Variants in RAB31 observed in about 807,000 individuals in gnomAD.
RAB31 encodes ras-related protein Rab-31.
In RAB31, 21 loss-of-function variants were observed where a neutral mutation model predicts 25.6. The ratio of observed to expected loss-of-function variants is 0.82; its 90% CI spans 0.58 to 1.18. The LOEUF (loss-of-function observed/expected upper bound fraction) is 1.18, where lower values mean the gene tolerates loss of function less well. RAB31 is among the 50% of genes most tolerant of loss of function. RAB31 has a pLI of 0.00. For missense variants in RAB31, 196 were observed against 250.1 expected (o/e 0.78, Z 1.46); for synonymous variants, 87 against 84.0 (o/e 1.04, Z -0.20).
chr18:9,799,629 T>C (rs1317777407), intron 3 of RAB31, among the ~76,000 whole-genome samples: 1 of 152,176 alleles, frequency 6.6e-6, no homozygotes, highest in Non-Finnish European at 1.5e-5. Flanking sequence ...CCAGAGTAGC[T>C]GGGACTACAG....
chr18:9,747,545 C>A (rs570482207), intron 1 of RAB31, among the ~76,000 whole-genome samples: 2 of 152,050 alleles, frequency 1.3e-5, no homozygotes, highest in Admixed American at 1.3e-4. Context: ...AATAAACTAC[C>A]GACACATGGT....
chr18:9,792,901 A>G (rs2068468500), intron 3 of RAB31, among the ~76,000 whole-genome samples: 1 of 152,168 alleles, frequency 6.6e-6, no homozygotes, highest in Non-Finnish European at 1.5e-5. Flanking sequence ...GGGTAAATGG[A>G]TGCTGGGTTA....
chr18:9,786,229 A>T (rs981428208), intron 2 of RAB31, among the ~76,000 whole-genome samples: 7 of 152,352 alleles, frequency 4.6e-5, no homozygotes, highest in African/African-American at 1.7e-4. Context: ...CTTAAAAGAA[A>T]AGTGTTCAGG....
rs377185954 is a variant in RAB31, at chr18:9,789,949, C to T, written c.120-2205C>T. 3.3e-5 allele frequency among the ~76,000 whole-genome samples: 5 copies of T among 152,218 alleles called. No individual in the cohort carries two copies. In the East Asian group the frequency reaches 5.8e-4, roughly 18 times the overall value. On this transcript the variant is annotated intron_variant, in intron 2 of 6. Coordinates refer to ENST00000578921, the MANE Select transcript of RAB31 (RefSeq NM_006868.4). Reference sequence around the variant, plus strand: ...GGGATAGTGTGGGAATTGCAGTAGACTTTTCTACTTGGGACTTCGGTAGTT... The same window carrying T: ...GGGATAGTGTGGGAATTGCAGTAGATTTTTCTACTTGGGACTTCGGTAGTT...
chr18:9,715,927 T>G (rs1248008727), intron 1 of RAB31, among the ~76,000 whole-genome samples: 1 of 152,166 alleles, frequency 6.6e-6, no homozygotes, highest in Non-Finnish European at 1.5e-5. Flanking sequence ...AATACTTCAG[T>G]ATGTGTCTTT....
At chr18:9,715,387 T>C (rs1436131642) in intron 1 of RAB31, among the ~76,000 whole-genome samples, 6 of 149,996 alleles carry the variant, frequency 4.0e-5, no homozygotes. Flanking sequence ...TAGCACTGGG[T>C]CTTTTATTTT....
At chr18:9,779,995 C>T (rs115584496) in intron 2 of RAB31, among the ~76,000 whole-genome samples, 9,994 of 151,750 alleles carry the variant, frequency 0.066, 371 homozygotes, top group Admixed American at 0.11. Context: ...GGCAACAGGG[C>T]GAAACTTGGT....
intron 1 of RAB31, among the ~76,000 whole-genome samples, chr18:9,767,286 T>G (rs1313773396): frequency 6.6e-6 from 1 of 152,262 alleles, no homozygotes; most frequent in East Asian, 1.9e-4. Flanking sequence ...TTTTCTTATT[T>G]AACTACATTC....
intron 3 of RAB31, among the ~76,000 whole-genome samples, chr18:9,794,985 C>G (rs1201132909): frequency 6.6e-6 from 1 of 152,130 alleles, no homozygotes; most frequent in Non-Finnish European, 1.5e-5. Flanking sequence ...TACCCGACCT[C>G]AAACTATACT....
chr18:9,799,165 A>G (rs1465486776), intron 3 of RAB31, among the ~76,000 whole-genome samples: 2 of 152,142 alleles, frequency 1.3e-5, no homozygotes, highest in African/African-American at 2.4e-5. Flanking sequence ...AATCCATTTC[A>G]CTTGGCTTCC....
At chr18:9,774,219 G>A (rs1257788046) in intron 1 of RAB31, among the ~76,000 whole-genome samples, 1 of 152,088 alleles carries the variant, frequency 6.6e-6, no homozygotes, top group Non-Finnish European at 1.5e-5. Flanking sequence ...CTACCTAAAG[G>A]GGAGCCTTCA....
Position 9,796,050 on chromosome 18 carries a change from C to T in RAB31, c.201+3815C>T, listed in dbSNP as rs573727823. On this transcript the variant is annotated intron_variant, in intron 3 of 6. Coordinates refer to ENST00000578921, the MANE Select transcript of RAB31 (RefSeq NM_006868.4). ...ATACACCATACAATACTACTGAATACTACTCAGCCATAAAAAGGAACTAAA... is the reference window on the plus strand; with the variant it reads ...ATACACCATACAATACTACTGAATATTACTCAGCCATAAAAAGGAACTAAA... Among the ~76,000 whole-genome samples, 4 of 152,296 alleles carry T rather than the reference C, an allele frequency of 2.6e-5. No homozygotes were observed. The South Asian group carries it at 8.3e-4, about 32-fold the overall frequency.
At chr18:9,847,660 C>T (rs1392484552) in intron 6 of RAB31, among the ~76,000 whole-genome samples, 1 of 152,116 alleles carries the variant, frequency 6.6e-6, no homozygotes, top group Non-Finnish European at 1.5e-5. Flanking sequence ...GCAGCCTCCA[C>T]CTCCTGGGCT....
chr18:9,770,832 T>C (rs543384904), intron 1 of RAB31, among the ~76,000 whole-genome samples: 1 of 151,746 alleles, frequency 6.6e-6, no homozygotes, highest in African/African-American at 2.4e-5. Context: ...GTAAAGTACT[T>C]GTGAGTTCTA....
intron 5 of RAB31, among the ~76,000 whole-genome samples, chr18:9,835,799 A>G (rs11662690): frequency 0.21 from 31,868 of 152,104 alleles, 4,072 homozygotes; most frequent in South Asian, 0.42. Flanking sequence ...AAGAACTAGC[A>G]TTTTAAACAG....
At chr18:9,833,771 G>A (rs1355654392) in intron 5 of RAB31, among the ~76,000 whole-genome samples, 1 of 152,168 alleles carries the variant, frequency 6.6e-6, no homozygotes, top group Non-Finnish European at 1.5e-5. Flanking sequence ...AGCCATATCT[G>A]ATCTATGAGC....
chr18:9,785,611 T>C (rs1172553672), intron 2 of RAB31, among the ~76,000 whole-genome samples: 3 of 152,194 alleles, frequency 2.0e-5, no homozygotes, highest in African/African-American at 7.2e-5. Flanking sequence ...AAGGCAGGAC[T>C]CTAATCTGAT....
intron 1 of RAB31, among the ~76,000 whole-genome samples, chr18:9,739,394 C>T (rs558574725): frequency 2.0e-5 from 3 of 152,248 alleles, no homozygotes; most frequent in Admixed American, 6.5e-5. Context: ...ATGGCGTGAA[C>T]CTGGGAGGCA....
Position 9,751,086 on chromosome 18 carries a change from G to A in RAB31, c.40-24192G>A, listed in dbSNP as rs144621755. On this transcript the variant is annotated intron_variant, in intron 1 of 6. Transcript: ENST00000578921. ...GTCTCGCATGGTCACCCGGGCTGGA[G>A]TGCAGCGGTGTGATCATAGCTCACT... 8.2e-3 allele frequency among the ~76,000 whole-genome samples: 1,250 copies of A among 152,258 alleles called. 11 individuals are homozygous for A. The highest frequency in any genetic ancestry group is 0.038 in the Admixed American group (585 of 15,286).
Sources: gnomAD v4.1 joint callset for allele counts (sites outside exome capture counted in the v4.1 genomes callset) on GRCh38, gnomAD v4.1.1 for gene constraint, MANE v1.5 for transcripts, NCBI Gene and HGNC (gene_info 2026-07-23, HGNC 2026-07-21) for gene names.